DCBLD1: variants seen among roughly 807,000 people sequenced by gnomAD.
The protein encoded by DCBLD1 is discoidin, CUB and LCCL domain containing 1.
A neutral mutation model predicts 71.5 loss-of-function variants in DCBLD1; 57 were observed. That is an observed-to-expected ratio of 0.80 (90% CI 0.64 to 0.99). The LOEUF is 0.99. Ranked by LOEUF, DCBLD1 falls within the 50% of genes least tolerant of loss-of-function variation. The pLI is 0.00. For synonymous variants in DCBLD1, 380 were observed against 363.8 expected, an observed-to-expected ratio of 1.04 and a Z score of -0.51; for missense variants, 891 against 923.5, an observed-to-expected ratio of 0.96 and a Z score of 0.46.
At chr6:117,528,179 C>T (rs1778603468) in intron 5 of DCBLD1, among the ~76,000 whole-genome samples, 1 of 152,082 alleles carries the variant, frequency 6.6e-6, no homozygotes, top group African/African-American at 2.4e-5. Context: ...ATTATAATGG[C>T]AAGTGATTAT....
At chr6:117,568,026 C>CAAAAAAAAAAA (rs779227271) in intron 14 of DCBLD1, among the ~76,000 whole-genome samples, 1 of 46,660 alleles carries the variant, frequency 2.1e-5, no homozygotes. Flanking sequence ...CCCATCTCTA[C>CAAAAAAAAAAA]AAAAAAAAAA....
intron 14 of DCBLD1, 129 bp from the exon 15 acceptor site, chr6:117,547,778 C>T: frequency 6.5e-7 from 1 of 1,539,172 alleles, no homozygotes; most frequent in Non-Finnish European, 8.8e-7. Flanking sequence ...TTCCGCAGTG[C>T]CTGGGACACC....
intron 1 of DCBLD1, among the ~76,000 whole-genome samples, chr6:117,500,542 C>G (rs1016644974): frequency 4.6e-5 from 7 of 152,068 alleles, no homozygotes; most frequent in Non-Finnish European, 1.0e-4. Context: ...TGGAAGTGGT[C>G]GGAAAGAAAT....
chr6:117,531,797 T>G (rs1284880624), intron 5 of DCBLD1, among the ~76,000 whole-genome samples: 1 of 152,256 alleles, frequency 6.6e-6, no homozygotes, highest in Admixed American at 6.5e-5. Context: ...ACTTGGCATG[T>G]GTGTCTAATA....
At chr6:117,534,826 C>T (rs2114531556) in intron 6 of DCBLD1, among the ~76,000 whole-genome samples, 1 of 151,574 alleles carries the variant, frequency 6.6e-6, no homozygotes, top group East Asian at 1.9e-4. Context: ...AAGTAGAGTA[C>T]ACAAATGTAA....
chr6:117,527,902 G>C (rs1010319550), intron 5 of DCBLD1, among the ~76,000 whole-genome samples: 5 of 152,144 alleles, frequency 3.3e-5, no homozygotes, highest in African/African-American at 1.2e-4. Flanking sequence ...TGCCAGTGAA[G>C]GAATATGGGC....
intron 2 of DCBLD1, among the ~76,000 whole-genome samples, chr6:117,504,364 G>A (rs1439094499): frequency 6.6e-6 from 1 of 152,202 alleles, no homozygotes; most frequent in African/African-American, 2.4e-5. Flanking sequence ...AAAAAACAAA[G>A]TTCCTCTATG....
intron 11 of DCBLD1, 22 bp downstream of exon 11, chr6:117,541,047 G>T: frequency 3.1e-6 from 5 of 1,612,692 alleles, no homozygotes; most frequent in Non-Finnish European, 4.2e-6. Context: ...ATTGTCTGTG[G>T]TTTCATAAGG....
intron 2 of DCBLD1, among the ~76,000 whole-genome samples, chr6:117,504,812 C>T (rs1777785168): frequency 6.6e-6 from 1 of 152,210 alleles, no homozygotes; most frequent in Non-Finnish European, 1.5e-5. Context: ...ATCTTACATA[C>T]ATTCTTTTGA....
At chr6:117,503,028 A>G (rs1777713907) in intron 1 of DCBLD1, among the ~76,000 whole-genome samples, 1 of 152,236 alleles carries the variant, frequency 6.6e-6, no homozygotes, top group African/African-American at 2.4e-5. Context: ...TATATAACAC[A>G]TAGCACCTAG....
Position 117,539,364 on chromosome 6 carries a change from G to T in DCBLD1, c.1086G>T (p.Val362=). ...NSKWKTYKGI[V]NNEEKVFQGN... ...AGTGGAAGACCTATAAAGGAATTGTGAATAATGAAGAAAAGGTAAGAGGTA... is the reference window on the plus strand; with the variant it reads ...AGTGGAAGACCTATAAAGGAATTGTTAATAATGAAGAAAAGGTAAGAGGTA... The change falls in exon 9 of 15, where the codon GTG becomes GTT. Residue 362 remains valine, a synonymous_variant. Transcript: ENST00000338728. 6.2e-7 allele frequency: 1 copy of T among 1,602,828 alleles called. No individual in the cohort carries two copies. The highest frequency in any genetic ancestry group is 8.5e-7 in the Non-Finnish European group (1 of 1,177,568).
intron 2 of DCBLD1, among the ~76,000 whole-genome samples, chr6:117,518,714 G>A (rs1562445721): frequency 6.6e-6 from 1 of 152,066 alleles, no homozygotes; most frequent in Admixed American, 6.5e-5. Flanking sequence ...AAAACCATCA[G>A]ATCTCATGAG....
chr6:117,532,098 C>CAAA (rs1778742063), intron 5 of DCBLD1, among the ~76,000 whole-genome samples, 162 bp from the exon 6 acceptor site: 2 of 152,172 alleles, frequency 1.3e-5, no homozygotes, highest in African/African-American at 4.8e-5. Flanking sequence ...GTCACATGGT[C>CAAA]CAGAGTCAGT....
chr6:117,526,173 C>T (rs115721701), intron 5 of DCBLD1, among the ~76,000 whole-genome samples: 197 of 152,226 alleles, frequency 1.3e-3, no homozygotes, highest in African/African-American at 4.6e-3. Context: ...TTGATAAATC[C>T]TCTGTGGCAT....
rs550366374 is a variant in DCBLD1, at chr6:117,488,534, AC to A, written c.112+5642del. Among the ~76,000 whole-genome samples, 66 of 152,260 alleles carry A rather than the reference AC, an allele frequency of 4.3e-4. No individual in the cohort carries two copies. In the South Asian group the frequency reaches 0.014, roughly 32 times the overall value. On this transcript the variant is annotated intron_variant, in intron 1 of 14. Coordinates refer to ENST00000338728, the MANE Select transcript of DCBLD1 (RefSeq NM_001366458.2). ...GTGGCACATGCCTGTAATCCCAGCT[AC>A]TAGGGAAGCTGAGGTGGGAGGATCC... is the stretch of plus-strand genomic sequence containing the variant.
Position 117,482,856 on chromosome 6 carries a change from G to T in DCBLD1, c.75G>T (p.Ala25=). 1 of 1,184,810 alleles carries T rather than the reference G, an allele frequency of 8.4e-7. No homozygotes were observed. Among genetic ancestry groups the T allele is most frequent in the Non-Finnish European group, 1.0e-6 (1 of 958,012 alleles). The allele number at this position is 1,184,810 out of a possible 1,614,324, so 73.4% of individuals were successfully genotyped here. ...AGRGLLALLL[A]VSAPLRLQAE... ...GGGGCCTCCTGGCTTTGCTGCTCGCGGTCTCCGCCCCGCTCCGGCTGCAGG... is the reference window on the plus strand; with the variant it reads ...GGGGCCTCCTGGCTTTGCTGCTCGCTGTCTCCGCCCCGCTCCGGCTGCAGG... Residue 25 remains alanine (A), a synonymous_variant, in exon 1 of 15, where the codon GCG becomes GCT. Coordinates refer to ENST00000338728, the MANE Select transcript of DCBLD1 (RefSeq NM_001366458.2).
At chr6:117,542,416 C>T (rs1339760075) in intron 11 of DCBLD1, among the ~76,000 whole-genome samples, 1 of 152,084 alleles carries the variant, frequency 6.6e-6, no homozygotes, top group Non-Finnish European at 1.5e-5. Context: ...CTTAAGCATC[C>T]CTTTATTTTC....
chr6:117,563,434 G>A lies in DCBLD1; in HGVS notation c.1616-6186G>A, dbSNP rs377685865. 9 of 1,600,150 alleles carry A rather than the reference G, an allele frequency of 5.6e-6. No homozygotes were observed. The African/African-American group carries it at 1.1e-4, about 19-fold the overall frequency. ...CAGACACTTTCTGGTTTAAAAAGTT[G>A]GTTTTGGTCAGGTGCAGTGGCTCAT... On this transcript the variant is annotated intron_variant, in intron 14 of 14. Transcript: ENST00000296955.
chr6:117,540,921 A>G lies in DCBLD1; in HGVS notation c.1253A>G (p.Asn418Ser), dbSNP rs762879191. The G allele has an allele frequency of 1.8e-5, 29 of 1,614,142 alleles. No individual in the cohort carries two copies. In the South Asian group the frequency reaches 2.6e-4, roughly 15 times the overall value. The change falls in exon 11 of 15, where the codon AAT becomes AGT. Residue 418 changes from asparagine to serine, a missense_variant. Physicochemically the swap from Asn to Ser is conservative, Grantham distance 46 (BLOSUM62 1). Coordinates refer to ENST00000338728, the MANE Select transcript of DCBLD1 (RefSeq NM_001366458.2). ...CCCGACATCCCTCCTCTCTCAGGTA[A>G]TGATTCATTGGTGTGGCGCAAGACA... Reference protein sequence around the residue: ...ELIGCQITQGNDSLVWRKTSQ... With the variant: ...ELIGCQITQGSDSLVWRKTSQ...
Sources: gnomAD v4.1 joint callset for allele counts (sites outside exome capture counted in the v4.1 genomes callset) on GRCh38, gnomAD v4.1.1 for gene constraint, MANE v1.5 for transcripts, NCBI Gene and HGNC (gene_info 2026-07-23, HGNC 2026-07-21) for gene names.